CALB2: variants seen among roughly 807,000 people sequenced by gnomAD.
CALB2 encodes the protein calbindin 2.
In CALB2, 34 loss-of-function variants were observed where a neutral mutation model predicts 45.9. The observed-to-expected ratio is 0.74, with a 90% CI of 0.56 to 0.99. CALB2 has a LOEUF of 0.99. CALB2 is among the 50% of genes least tolerant of loss of function. The pLI is 0.00. For synonymous variants in CALB2, 142 were observed against 129.6 expected, an observed-to-expected ratio of 1.10 and a Z score of -0.65; for missense variants, 344 against 339.3, an observed-to-expected ratio of 1.01 and a Z score of -0.11.
chr16:71,383,625 G>A (rs1379778171), intron 6 of CALB2, among the ~76,000 whole-genome samples, 181 bp downstream of exon 6: 1 of 152,198 alleles, frequency 6.6e-6, no homozygotes, highest in Non-Finnish European at 1.5e-5. Flanking sequence ...GAGGTCCTGG[G>A]TGTGAGCTGA....
chr16:71,378,959 A>G (rs1302304172), intron 4 of CALB2, among the ~76,000 whole-genome samples: 1 of 152,160 alleles, frequency 6.6e-6, no homozygotes, highest in Non-Finnish European at 1.5e-5. Context: ...TGACTATGAT[A>G]AGGTTTCGGT....
At chr16:71,367,173 A>T (rs1316854581) in intron 1 of CALB2, among the ~76,000 whole-genome samples, 1 of 152,214 alleles carries the variant, frequency 6.6e-6, no homozygotes, top group Non-Finnish European at 1.5e-5. Context: ...GCGGAATGGT[A>T]GCAAGAGTAG....
At chr16:71,376,739 CCACA>C (rs1000735598) in intron 3 of CALB2, among the ~76,000 whole-genome samples, 1 of 152,062 alleles carries the variant, frequency 6.6e-6, no homozygotes. Flanking sequence ...CCACATTCAA[CCACA>C]CACACCCCCA....
chr16:71,376,479 C>T, intron 3 of CALB2, among the ~76,000 whole-genome samples: 1 of 152,172 alleles, frequency 6.6e-6, no homozygotes, highest in Admixed American at 6.5e-5. Context: ...CCACATACAC[C>T]CACATGCATC....
intron 3 of CALB2, among the ~76,000 whole-genome samples, chr16:71,375,965 G>A (rs975023209): frequency 5.9e-5 from 9 of 152,348 alleles, no homozygotes; most frequent in African/African-American, 1.9e-4. Flanking sequence ...CAGGGGCAGG[G>A]CTGAGCTGTT....
intron 10 of CALB2, among the ~76,000 whole-genome samples, chr16:71,387,821 T>G (rs1414184256): frequency 1.3e-5 from 2 of 152,178 alleles, no homozygotes; most frequent in Non-Finnish European, 1.5e-5. Context: ...ATGTGACATT[T>G]CCAAGAACAT....
At chr16:71,384,979 T>C (rs1468565376) in intron 9 of CALB2, 143 bp downstream of exon 9, 4 of 726,998 alleles carry the variant, frequency 5.5e-6, no homozygotes, top group South Asian at 3.2e-5. Flanking sequence ...TTCTGCTGTA[T>C]GAGAAGGCAA....
At position 71,358,753 on chromosome 16, in the gene CALB2, A is replaced by G. The variant is rs1197495052; in HGVS notation, c.-40A>G. On this transcript the variant is annotated 5_prime_UTR_variant, in exon 1 of 11. Coordinates refer to ENST00000302628, the MANE Select transcript of CALB2 (RefSeq NM_001740.5). ...GAGTGCCAGAGCCCAGCCGGCGCGG[A>G]GCGGGAGCGGTGCAGGCTGAGGTCT... The G allele has an allele frequency of 1.3e-6, 2 of 1,518,310 alleles. No individual in the cohort carries two copies. The highest frequency in any genetic ancestry group is 1.8e-5 in the Admixed American group (1 of 54,182). 94.1% of individuals were successfully genotyped at this position (1,518,310 alleles called of 1,614,324 possible).
intron 1 of CALB2, among the ~76,000 whole-genome samples, chr16:71,361,594 GC>G (rs2042238654): frequency 6.6e-6 from 1 of 152,126 alleles, no homozygotes; most frequent in Non-Finnish European, 1.5e-5. Context: ...ATTAACCACA[GC>G]CCCCAGAGAG....
chr16:71,366,274 C>T (rs1450166909), intron 1 of CALB2, among the ~76,000 whole-genome samples: 2 of 149,746 alleles, frequency 1.3e-5, no homozygotes, highest in Non-Finnish European at 3.0e-5. Flanking sequence ...ATCCACCCAC[C>T]TCAGCCTCCC....
intron 10 of CALB2, among the ~76,000 whole-genome samples, chr16:71,388,819 TA>T (rs35230835): frequency 0.18 from 23,701 of 133,028 alleles, 2,477 homozygotes; most frequent in East Asian, 0.35. Context: ...CCGTCTCTAC[TA>T]AAAAAAAAAA....
intron 4 of CALB2, among the ~76,000 whole-genome samples, chr16:71,381,919 C>G (rs545693677): frequency 6.6e-6 from 1 of 151,388 alleles, no homozygotes; most frequent in Non-Finnish European, 1.5e-5. Context: ...GGAGGTTAAG[C>G]TGGGAGGATC....
chr16:71,382,109 G>GAAA (rs2042502015), intron 4 of CALB2, among the ~76,000 whole-genome samples: 1 of 55,488 alleles, frequency 1.8e-5, no homozygotes, highest in Non-Finnish European at 4.1e-5. Flanking sequence ...AGGAAGGAAG[G>GAAA]GAAGAAAGGA....
At chr16:71,364,230 A>G (rs1005866473) in intron 1 of CALB2, among the ~76,000 whole-genome samples, 8 of 152,050 alleles carry the variant, frequency 5.3e-5, no homozygotes, top group Middle Eastern at 3.4e-3. Context: ...TCCCCGGGGG[A>G]GCCCGCCTAA....
chr16:71,384,367 C>T lies in CALB2; in HGVS notation c.562C>T (p.Leu188Phe), dbSNP rs2042538677. ...RLLPVQENFL[L>F]KFQGMKLTSE... ...CCTGCCTGTCCAGGAAAACTTCCTGCTTAAATTTCAGGTAAAACTTTGCTT... is the reference window on the plus strand; with the variant it reads ...CCTGCCTGTCCAGGAAAACTTCCTGTTTAAATTTCAGGTAAAACTTTGCTT... Residue 188 changes from leucine (L) to phenylalanine (F), a missense_variant, in exon 8 of 11, where the codon CTT becomes TTT. Physicochemically the swap from Leu to Phe is conservative, Grantham distance 22. This residue lies in a region of CALB2 where 263 missense variants were observed against 241.7 expected (regional missense o/e 1.09). Coordinates refer to ENST00000302628, the MANE Select transcript of CALB2 (RefSeq NM_001740.5). 4.8e-5 allele frequency: 78 copies of T among 1,608,784 alleles called. No individual in the cohort carries two copies. Among genetic ancestry groups the T allele is most frequent in the Non-Finnish European group, 6.5e-5 (77 of 1,178,402 alleles).
At chr16:71,365,314 A>C (rs1274892482) in intron 1 of CALB2, among the ~76,000 whole-genome samples, 1 of 152,116 alleles carries the variant, frequency 6.6e-6, no homozygotes, top group African/African-American at 2.4e-5. Flanking sequence ...TGACCTCTCT[A>C]ATCTATGGAC....
chr16:71,382,808 G>C lies in CALB2; in HGVS notation c.399+33G>C, dbSNP rs1160450975. On this transcript the variant is annotated intron_variant, in intron 5 of 10. Coordinates refer to ENST00000302628, the MANE Select transcript of CALB2 (RefSeq NM_001740.5). The stretch of plus-strand genomic sequence containing the variant: ...GGGCCTTGGGGAGGGTGTGAGGCCA[G>C]AGTGGCGGTGGGCTTAAGGTGCCTG... 6 of 1,584,502 alleles carry C rather than the reference G, an allele frequency of 3.8e-6. No individual in the cohort carries two copies. In the African/African-American group the frequency reaches 8.1e-5, roughly 21 times the overall value.
intron 6 of CALB2, 133 bp downstream of exon 6, chr16:71,383,577 C>T: frequency 1.3e-6 from 1 of 776,406 alleles, no homozygotes; most frequent in Non-Finnish European, 2.1e-6. Flanking sequence ...TGGCAGCTGG[C>T]AAAAAGGGAT....
intron 2 of CALB2, among the ~76,000 whole-genome samples, chr16:71,373,370 C>T (rs1166454926): frequency 6.6e-6 from 1 of 152,120 alleles, no homozygotes; most frequent in Non-Finnish European, 1.5e-5. Flanking sequence ...GGGTTGGAGG[C>T]GATTCATGGG....
Sources: allele counts gnomAD v4.1 joint callset (sites outside exome capture counted in the v4.1 genomes callset), GRCh38; gene constraint gnomAD v4.1.1; regional missense constraint gnomAD v4.1.1; transcripts MANE v1.5; gene names NCBI Gene and HGNC (gene_info 2026-07-23, HGNC 2026-07-21).